The following C4orf50 variants were observed in gnomAD, a reference collection of about 807,000 sequenced individuals.
The protein encoded by C4orf50 is uncharacterized protein C4orf50.
A neutral mutation model predicts 77.2 loss-of-function variants in C4orf50; 80 were observed. That is an observed-to-expected ratio of 1.04 (90% confidence interval 0.87 to 1.25). The LOEUF is 1.25. C4orf50 is among the 50% of genes most tolerant of loss of function. The pLI is 0.00. For missense variants in C4orf50, 1,257 were observed against 1,152.9 expected (o/e 1.09, Z -1.31); for synonymous variants, 532 against 465.3 (o/e 1.14, Z -1.84).
In C4orf50 at chr4:5,922,850, T is replaced by G. The variant is rs7667035; in HGVS notation, c.*2475-24662A>C. Among the ~76,000 whole-genome samples, 3 of 152,154 alleles carry G rather than the reference T, an allele frequency of 2.0e-5. No individual in the cohort carries two copies. In the East Asian group the frequency reaches 5.8e-4, roughly 29 times the overall value. On this transcript the variant is annotated intron_variant, in intron 7 of 7. Transcript: ENST00000324058. ...AACACACAACTCATGGTCTCCTCAT[T>G]AGCTCTCTCTCCTCCCAACCCTGTC...
intron 23 of C4orf50, among the ~76,000 whole-genome samples, chr4:6,013,747 A>T (rs1722574066): frequency 6.6e-6 from 1 of 152,222 alleles, no homozygotes; most frequent in African/African-American, 2.4e-5. Flanking sequence ...GGAACCCAGG[A>T]ATGCAGCTCT....
intron 7 of C4orf50, among the ~76,000 whole-genome samples, chr4:5,947,690 A>AC (rs1326663412): frequency 6.6e-6 from 1 of 151,504 alleles, no homozygotes; most frequent in African/African-American, 2.4e-5. Context: ...GGTCTTTTTC[A>AC]CCCCCACTGG....
At chr4:5,944,968 G>A (rs1215975685) in intron 7 of C4orf50, among the ~76,000 whole-genome samples, 2 of 152,138 alleles carry the variant, frequency 1.3e-5, no homozygotes, top group Non-Finnish European at 2.9e-5. Context: ...GAGGCACAGG[G>A]CCACCAAGAC....
chr4:5,913,158 C>T (rs1044732201), intron 7 of C4orf50, among the ~76,000 whole-genome samples: 1 of 152,188 alleles, frequency 6.6e-6, no homozygotes, highest in Non-Finnish European at 1.5e-5. Context: ...GTTACTTAAC[C>T]TCTTTCTTCC....
At chr4:5,945,030 A>C (rs1157859236) in intron 7 of C4orf50, among the ~76,000 whole-genome samples, 1 of 152,072 alleles carries the variant, frequency 6.6e-6, no homozygotes, top group Non-Finnish European at 1.5e-5. Flanking sequence ...ATTCACACCA[A>C]GGCTCCACGC....
At chr4:5,957,394 T>C (rs1487757130) in exon 34 of C4orf50, 1 of 152,172 alleles carries the variant, frequency 6.6e-6, no homozygotes, top group Non-Finnish European at 1.5e-5. Context: ...TTCCTGATGC[T>C]CAAAGCTAAT....
intron 7 of C4orf50, among the ~76,000 whole-genome samples, chr4:5,911,054 C>T (rs1021582808): frequency 5.9e-5 from 9 of 151,818 alleles, no homozygotes; most frequent in African/African-American, 1.9e-4. Context: ...TACAGGTGCC[C>T]GCCACCATGC....
At chr4:5,981,196 T>A (rs887325032) in intron 28 of C4orf50, among the ~76,000 whole-genome samples, 1 of 152,196 alleles carries the variant, frequency 6.6e-6, no homozygotes, top group African/African-American at 2.4e-5. Context: ...TCTGGGCGTT[T>A]TTCCATATTA....
exon 28 of C4orf50, chr4:5,988,524 G>A (rs763751100): frequency 7.4e-5 from 114 of 1,537,882 alleles, no homozygotes; most frequent in Middle Eastern, 3.3e-4. Context: ...AATCAGCACC[G>A]CGTCTGGAAT....
At chr4:5,967,508 A>G (rs7690750) in intron 31 of C4orf50, 46 bp from the exon 10 acceptor site, 1,034,780 of 1,564,858 alleles carry the variant, frequency 0.66, 350,134 homozygotes, top group African/African-American at 0.83. Context: ...GGCACTGGAG[A>G]GACAGCCTTG....
chr4:5,955,461 C>T (rs1167012485), downstream of C4orf50, among the ~76,000 whole-genome samples: 1 of 152,152 alleles, frequency 6.6e-6, no homozygotes, highest in Non-Finnish European at 1.5e-5. This position sits in a 1 kb window ranked among gnomAD's most constrained non-coding sequence, Gnocchi z 5.1. Context: ...CCACGTGATA[C>T]CTTTCAAGGC....
At chr4:5,968,692 G>A (rs1370909275) in intron 31 of C4orf50, among the ~76,000 whole-genome samples, 2 of 152,062 alleles carry the variant, frequency 1.3e-5, no homozygotes, top group Admixed American at 6.6e-5. Context: ...CCTCCAATCC[G>A]TCACTCTCTC....
chr4:5,917,406 CTTTTTTTTTTTTTTT>C (rs34928524), intron 7 of C4orf50, among the ~76,000 whole-genome samples: 2 of 86,400 alleles, frequency 2.3e-5, no homozygotes, highest in East Asian at 5.2e-4. Context: ...TCCTGTATTT[CTTTTTTTTTTTTTTT>C]TTTTTTTTTT....
At chr4:5,977,971 A>C (rs1720377422) in intron 29 of C4orf50, among the ~76,000 whole-genome samples, 1 of 152,238 alleles carries the variant, frequency 6.6e-6, no homozygotes. Context: ...ACAACTCAAC[A>C]AAAAGAGAGT....
chr4:6,002,427 T>C (rs1721871320), intron 25 of C4orf50, among the ~76,000 whole-genome samples: 2 of 152,312 alleles, frequency 1.3e-5, no homozygotes, highest in Admixed American at 6.5e-5. Context: ...TTGAGGTACT[T>C]TGTTACAGCA....
chr4:6,014,342 C>A (rs1329568650), intron 23 of C4orf50, among the ~76,000 whole-genome samples: 1 of 152,118 alleles, frequency 6.6e-6, no homozygotes, highest in African/African-American at 2.4e-5. Context: ...ACTTGTCAAG[C>A]CTGTGAACAG....
At chr4:5,984,539 A>AATTGAT in intron 28 of C4orf50, among the ~76,000 whole-genome samples, 1 of 152,362 alleles carries the variant, frequency 6.6e-6, no homozygotes, top group East Asian at 1.9e-4. Flanking sequence ...AAAAGAATAA[A>AATTGAT]ATTGATATTC....
intron 25 of C4orf50, among the ~76,000 whole-genome samples, chr4:6,006,513 G>C (rs1370035414): frequency 6.6e-6 from 1 of 152,176 alleles, no homozygotes. Context: ...TGTCCTCTGA[G>C]CCTCAGCTTC....
Position 5,965,023 on chromosome 4 carries a change from C to A in C4orf50, c.4275+1G>T. 6.2e-7 allele frequency: 1 copy of A among 1,612,064 alleles called. No individual in the cohort carries two copies. The highest frequency in any genetic ancestry group is 1.1e-5 in the South Asian group (1 of 90,520). On this transcript the variant is annotated splice_donor_variant, in intron 33 of 33. Transcript: ENST00000531445. LOFTEE classifies it high-confidence loss of function. ...AAATGAGGTGACAGGTGCCTTCTCA[C>A]CTTCAGAGAATCCAGTTGGGCTGTC...
Sources: gnomAD v4.1 joint callset for allele counts (sites outside exome capture counted in the v4.1 genomes callset) on GRCh38, gnomAD v4.1.1 for gene constraint, Gnocchi (gnomAD v3.1) non-coding constraint, MANE v1.5 for transcripts, NCBI Gene and HGNC (gene_info 2026-07-23, HGNC 2026-07-21) for gene names.